CYRIA: variants seen among roughly 807,000 people sequenced by gnomAD.
The protein encoded by CYRIA is CYFIP related Rac1 interactor A, also known as CYFIP-related Rac1 interactor A.
CYRIA carries 15 observed loss-of-function variants against 43.9 expected under a neutral mutation model. That is an observed-to-expected ratio of 0.34 (90% CI 0.23 to 0.53). The LOEUF is 0.53. Ranked by LOEUF, CYRIA falls within the 20% of genes least tolerant of loss-of-function variation. The pLI, the probability that CYRIA is intolerant of heterozygous loss-of-function variation, is 0.94. For missense variants in CYRIA, 236 were observed against 394.2 expected (o/e 0.60, Z 3.40); for synonymous variants, 117 against 136.0 (o/e 0.86, Z 0.97).
chr2:16,563,541 T>C (rs540687747), intron 5 of CYRIA, among the ~76,000 whole-genome samples: 2 of 152,232 alleles, frequency 1.3e-5, no homozygotes, highest in Non-Finnish European at 2.9e-5. Context: ...AAAGCCATCC[T>C]GTACTTGCAC....
intron 2 of CYRIA, among the ~76,000 whole-genome samples, chr2:16,610,406 G>A (rs1668550491): frequency 6.6e-6 from 1 of 152,252 alleles, no homozygotes; most frequent in Non-Finnish European, 1.5e-5. Flanking sequence ...GACATGGCCT[G>A]TGGCCTCTGG....
chr2:16,585,995 C>G (rs182242343), intron 3 of CYRIA, among the ~76,000 whole-genome samples: 1 of 152,228 alleles, frequency 6.6e-6, no homozygotes, highest in African/African-American at 2.4e-5. Context: ...TGAGATTAGA[C>G]TTGACCAAGA....
At chr2:16,576,957 C>T (rs1361662718) in intron 3 of CYRIA, among the ~76,000 whole-genome samples, 1 of 152,132 alleles carries the variant, frequency 6.6e-6, no homozygotes, top group African/African-American at 2.4e-5. Context: ...TGAGGTACTT[C>T]AAGGAGTCAA....
intron 1 of CYRIA, among the ~76,000 whole-genome samples, chr2:16,631,872 C>T (rs1366024027): frequency 6.6e-6 from 1 of 152,170 alleles, no homozygotes; most frequent in African/African-American, 2.4e-5. Flanking sequence ...AGTCTGGCTA[C>T]AGTCATGTGT....
chr2:16,563,964 A>G, intron 5 of CYRIA, 25 bp downstream of exon 5: 1 of 1,562,332 alleles, frequency 6.4e-7, no homozygotes, highest in Non-Finnish European at 8.8e-7. Context: ...TATGTGGGCC[A>G]TGAAAACTAC....
intron 1 of CYRIA, among the ~76,000 whole-genome samples, chr2:16,657,379 A>G (rs558963727): frequency 1.3e-5 from 2 of 152,178 alleles, no homozygotes; most frequent in Non-Finnish European, 2.9e-5. Flanking sequence ...GCCACACTCA[A>G]TAAAAAATTC....
chr2:16,640,108 C>T (rs895293739), intron 1 of CYRIA, among the ~76,000 whole-genome samples: 3 of 152,226 alleles, frequency 2.0e-5, no homozygotes, highest in Non-Finnish European at 4.4e-5. Context: ...CAGGCACACC[C>T]GCATGCATGC....
At chr2:16,616,728 G>A (rs1378090914) in intron 2 of CYRIA, among the ~76,000 whole-genome samples, 1 of 152,240 alleles carries the variant, frequency 6.6e-6, no homozygotes. Flanking sequence ...GAGGCTTTAA[G>A]TCAAAATAAA....
intron 1 of CYRIA, among the ~76,000 whole-genome samples, chr2:16,643,232 T>C (rs531718695): frequency 1.3e-5 from 2 of 152,234 alleles, no homozygotes; most frequent in South Asian, 4.2e-4. Context: ...TAAATATCTG[T>C]CAAATACAGG....
At position 16,564,014 on chromosome 2, in the gene CYRIA, T is replaced by A; in HGVS notation, c.273A>T (p.Arg91Ser). 6.2e-7 allele frequency: 1 copy of A among 1,613,178 alleles called. No homozygotes were observed. The highest frequency in any genetic ancestry group is 1.1e-5 in the South Asian group (1 of 90,984). Reference sequence around the variant, plus strand: ...CTAGTCTAATGGAAAACTCGTAAAATCTCTTTAGCCTCACAACAAGAGGGC... The same window carrying A: ...CTAGTCTAATGGAAAACTCGTAAAAACTCTTTAGCCTCACAACAAGAGGGC... ...AVCPLVVRLK[R>S]FYEFSIRLEK... Residue 91 changes from arginine (R) to serine (S), a missense_variant, in exon 5 of 12, where the codon AGA (arginine) becomes AGT (serine). Physicochemically the swap from Arg to Ser is moderately radical, Grantham distance 110. Transcript: ENST00000381323.
intron 2 of CYRIA, among the ~76,000 whole-genome samples, chr2:16,608,527 C>T (rs1041606583): frequency 1.3e-5 from 2 of 152,192 alleles, no homozygotes; most frequent in Non-Finnish European, 2.9e-5. Flanking sequence ...GACTAAGCTA[C>T]TCTAAAAAGG....
At chr2:16,593,295 A>C (rs1315086733) in intron 2 of CYRIA, among the ~76,000 whole-genome samples, 1 of 152,196 alleles carries the variant, frequency 6.6e-6, no homozygotes, top group African/African-American at 2.4e-5. Flanking sequence ...TTTCCACATT[A>C]AACTATAACC....
chr2:16,659,723 T>G (rs1670198671), intron 1 of CYRIA, among the ~76,000 whole-genome samples: 1 of 152,246 alleles, frequency 6.6e-6, no homozygotes, highest in Non-Finnish European at 1.5e-5. Context: ...GATAAGAGCT[T>G]GTCACTCATT....
intron 2 of CYRIA, among the ~76,000 whole-genome samples, chr2:16,613,693 C>T (rs1251711699): frequency 2.0e-5 from 3 of 152,122 alleles, no homozygotes; most frequent in Admixed American, 6.5e-5. Flanking sequence ...AGGTAGGTAC[C>T]GAACACAAAT....
At chr2:16,642,952 T>G (rs952634021) in intron 1 of CYRIA, among the ~76,000 whole-genome samples, 1 of 151,476 alleles carries the variant, frequency 6.6e-6, no homozygotes, top group African/African-American at 2.4e-5. Flanking sequence ...TCTAATATAC[T>G]AGAAGGCAAT....
intron 1 of CYRIA, among the ~76,000 whole-genome samples, chr2:16,653,947 G>C (rs6721608): frequency 0.11 from 16,940 of 152,196 alleles, 2,185 homozygotes; most frequent in African/African-American, 0.31. Context: ...CTTTGGGTGA[G>C]CTAAACTGAG....
At chr2:16,582,900 T>C (rs1324163411) in intron 3 of CYRIA, among the ~76,000 whole-genome samples, 1 of 152,316 alleles carries the variant, frequency 6.6e-6, no homozygotes, top group Non-Finnish European at 1.5e-5. Context: ...CTGGATCATA[T>C]GGTAGCTTTA....
At chr2:16,646,483 A>G (rs911602198) in intron 1 of CYRIA, among the ~76,000 whole-genome samples, 1 of 152,214 alleles carries the variant, frequency 6.6e-6, no homozygotes, top group African/African-American at 2.4e-5. Flanking sequence ...CAGTGCAAGG[A>G]AAAATGGGGC....
intron 3 of CYRIA, among the ~76,000 whole-genome samples, chr2:16,568,919 T>C (rs1667037715): frequency 6.6e-6 from 1 of 152,138 alleles, no homozygotes; most frequent in Non-Finnish European, 1.5e-5. Flanking sequence ...AGAGGAGAGC[T>C]GGAAATTTTT....
Sources: allele counts gnomAD v4.1 joint callset (sites outside exome capture counted in the v4.1 genomes callset), GRCh38; gene constraint gnomAD v4.1.1; transcripts MANE v1.5; gene names NCBI Gene and HGNC (gene_info 2026-07-23, HGNC 2026-07-21).